Variants in DLGAP2 observed in about 807,000 individuals in gnomAD.
DLGAP2 encodes the protein DLG associated protein 2.
In DLGAP2, 26 loss-of-function variants were observed where a neutral mutation model predicts 100.3. The ratio of observed to expected loss-of-function variants is 0.26; its 90% confidence interval spans 0.19 to 0.36. The LOEUF is 0.36. DLGAP2 is among the 10% of genes least tolerant of loss of function. The pLI is 1.00. For missense variants in DLGAP2, 1,858 were observed against 1,453.2 expected, an observed-to-expected ratio of 1.28 and a Z score of -4.53; for synonymous variants, 886 against 630.1, an observed-to-expected ratio of 1.41 and a Z score of -6.08.
chr8:1,464,687 G>T (rs1798572556), intron 3 of DLGAP2, among the ~76,000 whole-genome samples: 1 of 152,214 alleles, frequency 6.6e-6, no homozygotes, highest in South Asian at 2.1e-4. Context: ...AGGGGCTGGA[G>T]ACACGTCCCT....
intron 2 of DLGAP2, among the ~76,000 whole-genome samples, chr8:1,252,969 C>G (rs1174217837): frequency 2.0e-5 from 3 of 152,200 alleles, no homozygotes; most frequent in Non-Finnish European, 4.4e-5. Context: ...TCACAGCAGC[C>G]CAGTGCTGGG....
chr8:1,441,785 G>C (rs1320422163), intron 3 of DLGAP2, among the ~76,000 whole-genome samples: 1 of 143,848 alleles, frequency 7.0e-6, no homozygotes, highest in Non-Finnish European at 1.5e-5. Flanking sequence ...AGCTTGACCA[G>C]TTTTTTTTTT....
At chr8:1,348,010 A>G (rs552133863) in intron 3 of DLGAP2, among the ~76,000 whole-genome samples, 10 of 146,398 alleles carry the variant, frequency 6.8e-5, no homozygotes, top group South Asian at 4.4e-4. Flanking sequence ...ACAGAGCTGC[A>G]TTGCACTCAT....
chr8:1,689,428 T>C (rs1318185491), intron 12 of DLGAP2, among the ~76,000 whole-genome samples: 1 of 152,156 alleles, frequency 6.6e-6, no homozygotes, highest in Non-Finnish European at 1.5e-5. Context: ...TGGGGATGGA[T>C]CTCTCGCCTC....
chr8:1,687,449 GA>G (rs2130870112), intron 12 of DLGAP2, among the ~76,000 whole-genome samples: 1 of 152,260 alleles, frequency 6.6e-6, no homozygotes, highest in African/African-American at 2.4e-5. Flanking sequence ...AGAATAAATT[GA>G]ATTTTCACTT....
chr8:1,528,301 C>T (rs1800864845), intron 4 of DLGAP2, among the ~76,000 whole-genome samples: 1 of 152,218 alleles, frequency 6.6e-6, no homozygotes, highest in African/African-American at 2.4e-5. Flanking sequence ...CCAGGAGGAC[C>T]TGAGCCCACG....
chr8:1,708,230 G>A lies in DLGAP2; in HGVS notation c.*6824G>A, dbSNP rs1191829123. ...AATTAAATTTTTTGAGAAAAGTAAT[G>A]TTTACTTTTTTATTGGAGTGAATTC... On this transcript the variant is annotated 3_prime_UTR_variant, in exon 15 of 15. Coordinates refer to ENST00000637795, the MANE Select transcript of DLGAP2 (RefSeq NM_001346810.2). 1 of 152,008 alleles carries A rather than the reference G, an allele frequency of 6.6e-6. No individual in the cohort carries two copies. Among genetic ancestry groups the A allele is most frequent in the African/African-American group, 2.4e-5 (1 of 41,398 alleles). 9.4% of individuals were successfully genotyped at this position (152,008 alleles called of 1,614,324 possible).
chr8:1,280,931 C>T (rs1252581474), intron 3 of DLGAP2, among the ~76,000 whole-genome samples: 2 of 152,192 alleles, frequency 1.3e-5, no homozygotes, highest in East Asian at 1.9e-4. Context: ...GCGTTTGTAT[C>T]AGAAGCTATA....
At chr8:1,332,632 C>T (rs1299235004) in intron 3 of DLGAP2, among the ~76,000 whole-genome samples, 1 of 152,188 alleles carries the variant, frequency 6.6e-6, no homozygotes, top group Non-Finnish European at 1.5e-5. Flanking sequence ...CCAGGTCACA[C>T]GTCTAAGTGA....
chr8:1,185,048 C>T (rs958899041), intron 2 of DLGAP2, among the ~76,000 whole-genome samples: 1 of 151,980 alleles, frequency 6.6e-6, no homozygotes, highest in African/African-American at 2.4e-5. Flanking sequence ...TGAAGTGACT[C>T]GTTTCCCAGG....
chr8:1,149,324 T>G (rs1239417113), intron 2 of DLGAP2, among the ~76,000 whole-genome samples: 1 of 152,122 alleles, frequency 6.6e-6, no homozygotes, highest in Non-Finnish European at 1.5e-5. Flanking sequence ...TTTTTTTGTA[T>G]TTTTAGTAGA....
rs1433899806 is a variant in DLGAP2 at position 1,333,658 on chromosome 8, G to T, written c.106+74775G>T. Among the ~76,000 whole-genome samples, 5 of 152,316 alleles carry T rather than the reference G, an allele frequency of 3.3e-5. No individual in the cohort carries two copies. In the South Asian group the frequency reaches 1.0e-3, roughly 32 times the overall value. On this transcript the variant is annotated intron_variant, in intron 3 of 14. Transcript: ENST00000637795. The stretch of plus-strand genomic sequence containing the variant: ...AAAGGCACTCGGAGGTAATTTGTGT[G>T]CCGATGTAACCGCGGGCTCTCCAGG...
intron 2 of DLGAP2, chr8:1,137,397 C>G (rs567975855): frequency 6.5e-6 from 1 of 152,750 alleles, no homozygotes; most frequent in South Asian, 2.1e-4. Flanking sequence ...ACAGAAGCTG[C>G]CCCGAGCTGA....
At chr8:1,614,236 C>T (rs952772284) in intron 6 of DLGAP2, among the ~76,000 whole-genome samples, 8 of 152,172 alleles carry the variant, frequency 5.3e-5, no homozygotes, top group Non-Finnish European at 8.8e-5. Flanking sequence ...AGAAAAAAAA[C>T]GGATGGCACA....
intron 2 of DLGAP2, among the ~76,000 whole-genome samples, chr8:1,023,628 G>A (rs1038189127): frequency 6.6e-6 from 1 of 150,996 alleles, no homozygotes; most frequent in East Asian, 2.3e-4. Flanking sequence ...CTCAGGACCT[G>A]GTGATCATTG....
chr8:1,321,020 C>T (rs1033245974), intron 3 of DLGAP2, among the ~76,000 whole-genome samples: 4 of 144,676 alleles, frequency 2.8e-5, no homozygotes, highest in East Asian at 4.2e-4. Flanking sequence ...TGTGGGCATC[C>T]GTGTGCCTCT....
intron 4 of DLGAP2, among the ~76,000 whole-genome samples, chr8:1,536,806 A>C (rs759580701): frequency 5.3e-5 from 8 of 152,126 alleles, no homozygotes; most frequent in African/African-American, 1.9e-4. Flanking sequence ...ATTTCCATTC[A>C]AATATTTCAC....
chr8:790,712 A>G (rs1822001401), intron 1 of DLGAP2, among the ~76,000 whole-genome samples: 1 of 152,080 alleles, frequency 6.6e-6, no homozygotes, highest in Non-Finnish European at 1.5e-5. Context: ...TCCATCGGCT[A>G]TTTCTCATTT....
intron 2 of DLGAP2, among the ~76,000 whole-genome samples, chr8:1,135,355 A>G (rs1026336381): frequency 1.2e-4 from 19 of 152,258 alleles, no homozygotes; most frequent in African/African-American, 4.3e-4. Flanking sequence ...AAAGCTAAGG[A>G]CCCAGGCGGC....
Sources: gnomAD v4.1 joint callset for allele counts (sites outside exome capture counted in the v4.1 genomes callset) on GRCh38, gnomAD v4.1.1 for gene constraint, MANE v1.5 for transcripts, NCBI Gene and HGNC (gene_info 2026-07-23, HGNC 2026-07-21) for gene names.